Variants in CTNNA3 observed in about 807,000 individuals in gnomAD.
CTNNA3 encodes the protein catenin alpha 3.
A neutral mutation model predicts 95.7 loss-of-function variants in CTNNA3; 76 were observed. That is an observed-to-expected ratio of 0.79 (90% CI 0.66 to 0.96). CTNNA3 has a LOEUF of 0.96. CTNNA3 is among the 40% of genes least tolerant of loss of function. The pLI, the probability that CTNNA3 is intolerant of heterozygous loss-of-function variation, is 0.00. For missense variants in CTNNA3, 1,191 were observed against 1,089.8 expected (o/e 1.09, Z -1.31); for synonymous variants, 431 against 374.4 (o/e 1.15, Z -1.74).
chr10:66,618,294 T>A (rs979684091), intron 10 of CTNNA3, among the ~76,000 whole-genome samples: 3 of 151,926 alleles, frequency 2.0e-5, no homozygotes, highest in Non-Finnish European at 4.4e-5. Context: ...GGCATCACGC[T>A]ACCTGACTTC....
At chr10:67,650,958 C>A (rs1839862113) in intron 1 of CTNNA3, among the ~76,000 whole-genome samples, 1 of 152,076 alleles carries the variant, frequency 6.6e-6, no homozygotes, top group Non-Finnish European at 1.5e-5. Context: ...AACCACCACC[C>A]CCTCCCCCAC....
intron 7 of CTNNA3, among the ~76,000 whole-genome samples, chr10:66,999,047 T>G (rs1376390700): frequency 1.3e-5 from 2 of 152,104 alleles, no homozygotes; most frequent in Non-Finnish European, 2.9e-5. Context: ...ATTTTAGTTA[T>G]AAAGAAAACG....
intron 1 of CTNNA3, among the ~76,000 whole-genome samples, chr10:67,741,922 A>C (rs1252744770): frequency 6.6e-6 from 1 of 151,322 alleles, no homozygotes; most frequent in African/African-American, 2.4e-5. Flanking sequence ...CCATTACATA[A>C]TGGTAAAGGG....
chr10:66,275,033 T>G (rs2091362015), intron 13 of CTNNA3, among the ~76,000 whole-genome samples: 2 of 152,206 alleles, frequency 1.3e-5, no homozygotes, highest in Non-Finnish European at 2.9e-5. Flanking sequence ...TTCTAATTGT[T>G]AGTTGCTACT....
chr10:65,997,335 T>G (rs2133353679), intron 15 of CTNNA3, among the ~76,000 whole-genome samples: 1 of 152,342 alleles, frequency 6.6e-6, no homozygotes, highest in Admixed American at 6.5e-5. Context: ...ACGTGATATC[T>G]GTTGATCTAA....
At chr10:67,445,333 T>C (rs925247369) in intron 5 of CTNNA3, among the ~76,000 whole-genome samples, 1 of 151,500 alleles carries the variant, frequency 6.6e-6, no homozygotes, top group African/African-American at 2.4e-5. Context: ...TTATAAATAA[T>C]ATTATTGAAT....
At position 66,595,522 on chromosome 10, in the gene CTNNA3, A is replaced by T. The variant is rs569827629; in HGVS notation, c.1374+26170T>A. Among the ~76,000 whole-genome samples, 14 of 152,102 alleles carry T rather than the reference A, an allele frequency of 9.2e-5. No homozygotes were observed. In the South Asian group the frequency reaches 2.9e-3, roughly 32 times the overall value. ...CAGCTAATTTTTGTATTTTTAGTAG[A>T]AACGGGGTTTCACCATGTTGGCCAG... On this transcript the variant is annotated intron_variant, in intron 10 of 17. Transcript: ENST00000433211.
chr10:66,499,752 G>A (rs1840215437), intron 11 of CTNNA3, among the ~76,000 whole-genome samples: 1 of 151,556 alleles, frequency 6.6e-6, no homozygotes, highest in Admixed American at 6.6e-5. Flanking sequence ...AAATATCTAT[G>A]GAACTCCTAG....
chr10:66,487,927 C>T (rs1839795469), intron 11 of CTNNA3, among the ~76,000 whole-genome samples: 1 of 152,048 alleles, frequency 6.6e-6, no homozygotes, highest in African/African-American at 2.4e-5. Flanking sequence ...AACATTTTAC[C>T]AGGAATTAGC....
chr10:66,109,792 C>A (rs950547163), intron 13 of CTNNA3, among the ~76,000 whole-genome samples: 1 of 151,326 alleles, frequency 6.6e-6, no homozygotes. Flanking sequence ...ATAGGTGCAG[C>A]ACACCAACAT....
chr10:67,456,814 A>G (rs1395960653), intron 5 of CTNNA3, among the ~76,000 whole-genome samples: 1 of 152,182 alleles, frequency 6.6e-6, no homozygotes, highest in African/African-American at 2.4e-5. Flanking sequence ...TCTAGTTCAG[A>G]AAACTTTTTA....
chr10:67,636,799 G>A (rs1280087800), intron 2 of CTNNA3, among the ~76,000 whole-genome samples: 2 of 152,154 alleles, frequency 1.3e-5, no homozygotes, highest in African/African-American at 4.8e-5. Flanking sequence ...CTGCAGCTGA[G>A]GGTCCTGAAT....
In CTNNA3 at chr10:65,996,791, C is replaced by T. The variant is rs139743043; in HGVS notation, c.2160-7994G>A. Among the ~76,000 whole-genome samples the T allele has an allele frequency of 2.0e-5, 3 of 152,326 alleles. No homozygotes were observed. In the East Asian group the frequency reaches 5.8e-4, roughly 29 times the overall value. ...AAGCTCCCAGGTGATCCTGACCAAG[C>T]TGGCAGCTTTACTTCCCTGTTTTTT... is the stretch of plus-strand genomic sequence containing the variant. On this transcript the variant is annotated intron_variant, in intron 15 of 17. Coordinates refer to ENST00000433211, the MANE Select transcript of CTNNA3 (RefSeq NM_013266.4).
At chr10:66,083,703 T>A (rs2080859809) in intron 14 of CTNNA3, among the ~76,000 whole-genome samples, 2 of 152,132 alleles carry the variant, frequency 1.3e-5, no homozygotes, top group South Asian at 4.1e-4. Flanking sequence ...CCATCGTATA[T>A]CCATTACTGA....
At chr10:66,537,127 C>A (rs1200883876) in intron 10 of CTNNA3, among the ~76,000 whole-genome samples, 1 of 151,486 alleles carries the variant, frequency 6.6e-6, no homozygotes, top group Non-Finnish European at 1.5e-5. Flanking sequence ...TTTTTTCTGT[C>A]CTCTTTCCAA....
intron 5 of CTNNA3, among the ~76,000 whole-genome samples, chr10:67,511,544 C>A (rs190007602): frequency 6.6e-6 from 1 of 152,154 alleles, no homozygotes; most frequent in African/African-American, 2.4e-5. Context: ...AGGGATGAAG[C>A]CTACTTGATT....
intron 7 of CTNNA3, among the ~76,000 whole-genome samples, chr10:66,831,730 A>C (rs569686285): frequency 6.6e-6 from 1 of 152,302 alleles, no homozygotes; most frequent in South Asian, 2.1e-4. Flanking sequence ...AGGAAAGCAG[A>C]GGAGAGAGGA....
At chr10:66,412,321 AG>A (rs1188576002) in intron 11 of CTNNA3, among the ~76,000 whole-genome samples, 64 of 152,298 alleles carry the variant, frequency 4.2e-4, no homozygotes, top group African/African-American at 1.5e-3. Context: ...ATAATGTTGA[AG>A]AAAAAGATCA....
chr10:67,320,959 A>G (rs1234890773), intron 5 of CTNNA3, among the ~76,000 whole-genome samples: 1 of 152,148 alleles, frequency 6.6e-6, no homozygotes, highest in Non-Finnish European at 1.5e-5. Flanking sequence ...ATTTTTGCAA[A>G]TTTTATCACT....
Sources: gnomAD v4.1 joint callset for allele counts (sites outside exome capture counted in the v4.1 genomes callset) on GRCh38, gnomAD v4.1.1 for gene constraint, MANE v1.5 for transcripts, NCBI Gene and HGNC (gene_info 2026-07-23, HGNC 2026-07-21) for gene names.